Variants in KDM2A observed in about 807,000 individuals in gnomAD.
KDM2A encodes lysine-specific demethylase 2A.
Under a neutral mutation model 137.3 loss-of-function variants are expected in KDM2A, and 3 were observed. That is an observed-to-expected ratio of 0.02 (90% CI 0.01 to 0.06). KDM2A has a LOEUF of 0.06. Ranked by LOEUF, KDM2A falls within the 10% of genes least tolerant of loss-of-function variation. The pLI is 1.00. For synonymous variants in KDM2A, 512 were observed against 541.5 expected, an observed-to-expected ratio of 0.95 and a Z score of 0.76; for missense variants, 738 against 1,510.6, an observed-to-expected ratio of 0.49 and a Z score of 8.48.
intron 2 of KDM2A, among the ~76,000 whole-genome samples, chr11:67,125,391 G>T (rs1855696859): frequency 6.6e-6 from 1 of 151,634 alleles, no homozygotes; most frequent in African/African-American, 2.4e-5. Context: ...GTGTTCCCAA[G>T]GCTAGTCTTG....
At chr11:67,135,084 C>G (rs1455034469) in intron 2 of KDM2A, among the ~76,000 whole-genome samples, 2 of 151,152 alleles carry the variant, frequency 1.3e-5, no homozygotes, top group Admixed American at 1.3e-4. Context: ...TTTTTTCCCC[C>G]TGAGACGGAG....
intron 2 of KDM2A, 124 bp from the exon 3 acceptor site, chr11:67,179,955 A>C: frequency 1.1e-6 from 1 of 887,766 alleles, no homozygotes; most frequent in Non-Finnish European, 1.7e-6. Context: ...AAAGATCCAT[A>C]AGGCAAGGAA....
chr11:67,179,951 C>A, intron 2 of KDM2A, 128 bp from the exon 3 acceptor site: 1 of 855,576 alleles, frequency 1.2e-6, no homozygotes, highest in Non-Finnish European at 1.8e-6. Flanking sequence ...AAGAAAAGAT[C>A]CATAAGGCAA....
rs956370003 is a variant in KDM2A, at chr11:67,119,749, CGGCCCGGGGCTCG to C, written c.-375_-363del. On this transcript the variant is annotated 5_prime_UTR_variant, in exon 1 of 21. Transcript: ENST00000529006. ...GGAGGGCGCTCCCTGCGGCCGGGGC[CGGCCCGGGGCTCG>C]GGCCCGGGCTGCTGACCGCTGGCCT... 2 of 150,250 alleles carry C rather than the reference CGGCCCGGGGCTCG, an allele frequency of 1.3e-5. No individual in the cohort carries two copies. The highest frequency in any genetic ancestry group is 3.0e-5 in the Non-Finnish European group (2 of 67,236). 9.3% of individuals were successfully genotyped at this position (150,250 alleles called of 1,614,324 possible).
chr11:67,156,612 A>G (rs1385057788), intron 2 of KDM2A, among the ~76,000 whole-genome samples: 2 of 150,688 alleles, frequency 1.3e-5, no homozygotes, highest in Admixed American at 6.6e-5. Flanking sequence ...CCAGCTACTC[A>G]GGAGGCTGAG....
chr11:67,140,677 C>T (rs374383946), intron 2 of KDM2A, among the ~76,000 whole-genome samples: 9 of 151,938 alleles, frequency 5.9e-5, no homozygotes, highest in East Asian at 1.9e-4. Context: ...TGCTTGAACC[C>T]GTGAGGCGGA....
rs1156857972 is a variant in KDM2A at position 67,121,240 on chromosome 11, A to G, written c.-77A>G. ...TTATATCATTATTCTTTAGTGTTGC[A>G]ATCTGGTTCCTAAGGAGGAAGAGGA... On this transcript the variant is annotated 5_prime_UTR_variant, in exon 2 of 21. Coordinates refer to ENST00000529006, the MANE Select transcript of KDM2A (RefSeq NM_012308.3). 2 of 1,045,186 alleles carry G rather than the reference A, an allele frequency of 1.9e-6. No homozygotes were observed. Among genetic ancestry groups the G allele is most frequent in the African/African-American group, 1.6e-5 (1 of 63,442 alleles). The allele number at this position is 1,045,186 out of a possible 1,614,324, so 64.7% of individuals were successfully genotyped here.
intron 16 of KDM2A, among the ~76,000 whole-genome samples, chr11:67,249,521 C>T (rs74846712): frequency 0.039 from 5,948 of 152,266 alleles, 464 homozygotes; most frequent in Admixed American, 0.18. Context: ...CAGGAAAAGA[C>T]AAGTATCTAG....
intron 2 of KDM2A, among the ~76,000 whole-genome samples, chr11:67,134,043 A>G (rs533340191): frequency 6.6e-6 from 1 of 152,352 alleles, no homozygotes; most frequent in Non-Finnish European, 1.5e-5. Context: ...GAAGTTGTAC[A>G]GTGTGCTTTC....
intron 11 of KDM2A, among the ~76,000 whole-genome samples, chr11:67,229,441 A>C (rs1565414954): frequency 1.3e-5 from 2 of 152,226 alleles, no homozygotes; most frequent in South Asian, 4.1e-4. Flanking sequence ...ATATGTCTGA[A>C]ACTGGTGAGG....
chr11:67,133,584 G>C (rs1855903903), intron 2 of KDM2A, among the ~76,000 whole-genome samples: 1 of 151,690 alleles, frequency 6.6e-6, no homozygotes, highest in South Asian at 2.1e-4. Flanking sequence ...TATATTTTTA[G>C]TAGAGACGGG....
chr11:67,132,723 GC>G (rs561608671), intron 2 of KDM2A, among the ~76,000 whole-genome samples: 50 of 152,282 alleles, frequency 3.3e-4, no homozygotes, highest in Admixed American at 2.9e-3. Context: ...AACTCTTAAG[GC>G]AGTGGTTTTC....
At chr11:67,138,504 G>A (rs1856020665) in intron 2 of KDM2A, among the ~76,000 whole-genome samples, 1 of 152,150 alleles carries the variant, frequency 6.6e-6, no homozygotes, top group Admixed American at 6.5e-5. Flanking sequence ...TCTTGGGCTG[G>A]GCACGGTGGC....
chr11:67,142,085 C>A (rs1856117667), intron 2 of KDM2A, among the ~76,000 whole-genome samples: 1 of 151,970 alleles, frequency 6.6e-6, no homozygotes, highest in Admixed American at 6.6e-5. Flanking sequence ...GTCGTCCAGG[C>A]TGGAGTGCAG....
chr11:67,171,475 G>A (rs72928924), intron 2 of KDM2A, among the ~76,000 whole-genome samples: 461 of 71,400 alleles, frequency 6.5e-3, no homozygotes, highest in Non-Finnish European at 0.022. Flanking sequence ...ACTTCCAAGG[G>A]AAAGTTGAGA....
chr11:67,172,117 G>A (rs1213442210), intron 2 of KDM2A, among the ~76,000 whole-genome samples: 1 of 151,968 alleles, frequency 6.6e-6, no homozygotes, highest in Admixed American at 6.6e-5. Context: ...AGCCTCCTGT[G>A]GAGTTGGGAC....
intron 9 of KDM2A, among the ~76,000 whole-genome samples, chr11:67,218,705 A>G: frequency 6.6e-6 from 1 of 152,060 alleles, no homozygotes; most frequent in Non-Finnish European, 1.5e-5. Context: ...CCCAGGTCCC[A>G]GTTCAAGCAA....
At position 67,141,729 on chromosome 11, in the gene KDM2A, A is replaced by G. The variant is rs763978129; in HGVS notation, c.42+20371A>G. ...TATAAAATTCATTGTTACTAATTAT[A>G]GTCACCCTACTTACGATTGAGCTTC... On this transcript the variant is annotated intron_variant, in intron 2 of 20. Transcript: ENST00000529006. Among the ~76,000 whole-genome samples, 65 of 148,162 alleles carry G rather than the reference A, an allele frequency of 4.4e-4. 1 individual carries two copies. Among genetic ancestry groups the G allele is most frequent in the Non-Finnish European group, 8.9e-4 (60 of 67,280 alleles).
At chr11:67,125,750 G>T (rs1374052923) in intron 2 of KDM2A, among the ~76,000 whole-genome samples, 1 of 149,556 alleles carries the variant, frequency 6.7e-6, no homozygotes, top group African/African-American at 2.5e-5. Context: ...CTGCACTCCA[G>T]CCTGGGCGAC....
Sources: gnomAD v4.1 joint callset for allele counts (sites outside exome capture counted in the v4.1 genomes callset) on GRCh38, gnomAD v4.1.1 for gene constraint, MANE v1.5 for transcripts, NCBI Gene and HGNC (gene_info 2026-07-23, HGNC 2026-07-21) for gene names.